The following EMP2 variants were observed in gnomAD, a reference collection of about 807,000 sequenced individuals.
The protein encoded by EMP2 is epithelial membrane protein 2.
A neutral mutation model predicts 13.7 loss-of-function variants in EMP2; 19 were observed. The observed-to-expected ratio is 1.38, with a 90% CI of 0.97 to 2.03. The LOEUF is 2.03. Among genes scored for constraint, EMP2 ranks in the 30% most tolerant of loss-of-function variants. The pLI is 0.00. For synonymous variants in EMP2, 97 were observed against 84.7 expected (o/e 1.15, Z -0.80); for missense variants, 253 against 220.7 (o/e 1.15, Z -0.93).
Position 10,531,152 on chromosome 16 carries a change from T to A in EMP2, c.*1753A>T, listed in dbSNP as rs1402785986. 1.3e-5 allele frequency: 2 copies of A among 151,964 alleles called. No individual in the cohort carries two copies. Among genetic ancestry groups the A allele is most frequent in the African/African-American group, 2.4e-5 (1 of 41,340 alleles). The allele number at this position is 151,964 out of a possible 1,614,324, so 9.4% of individuals were successfully genotyped here. A position where few individuals can be genotyped will look rare whatever the true frequency, so the allele number is the denominator to read the frequency against. ...ACACCGGGCTAATTTTGTTGTATTT[T>A]CGGTAGAGACGGGGTTTCACCATGT... On this transcript the variant is annotated 3_prime_UTR_variant, in exon 5 of 5. Transcript: ENST00000359543.
rs183440005 is a variant in EMP2 at position 10,541,707 on chromosome 16, G to A, written c.169+1863C>T. Among the ~76,000 whole-genome samples, 18 of 152,272 alleles carry A rather than the reference G, an allele frequency of 1.2e-4. 1 individual carries two copies. Among genetic ancestry groups the A allele is most frequent in the East Asian group, 9.7e-4 (5 of 5,172 alleles). Reference sequence around the variant, plus strand: ...AACAGACGAGATGGAAGGGAGCACCGATGGTGTTCCGTGGTTAAGGGTACT... The same window carrying A: ...AACAGACGAGATGGAAGGGAGCACCAATGGTGTTCCGTGGTTAAGGGTACT... On this transcript the variant is annotated intron_variant, in intron 3 of 4. Coordinates refer to ENST00000359543, the MANE Select transcript of EMP2 (RefSeq NM_001424.6).
rs28505620 is a variant in EMP2, at chr16:10,580,192, C to A, written c.-61+357G>T. Among the ~76,000 whole-genome samples, 6 of 152,154 alleles carry A rather than the reference C, an allele frequency of 3.9e-5. No homozygotes were observed. The highest frequency in any genetic ancestry group is 8.8e-5 in the Non-Finnish European group (6 of 68,014). ...GCGAGGCGAGTCTGGGGACGCTGCC[C>A]GGGAATCCCTCACGCGACCTGGGGA... On this transcript the variant is annotated intron_variant, in intron 1 of 4. Coordinates refer to ENST00000359543, the MANE Select transcript of EMP2 (RefSeq NM_001424.6). The surrounding 1 kb of genome is among the most constrained non-coding windows in gnomAD (Gnocchi z 4.3).
At chr16:10,538,917 G>A (rs1486489097) in intron 3 of EMP2, among the ~76,000 whole-genome samples, 2 of 152,142 alleles carry the variant, frequency 1.3e-5, no homozygotes, top group African/African-American at 2.4e-5. Flanking sequence ...TTGGGCCCAA[G>A]TGATCCTCCT....
At chr16:10,562,683 C>G (rs919053871) in intron 1 of EMP2, among the ~76,000 whole-genome samples, 5 of 152,172 alleles carry the variant, frequency 3.3e-5, no homozygotes, top group African/African-American at 9.7e-5. Flanking sequence ...TGTTACCCAG[C>G]AAGAGCTAAC....
chr16:10,552,919 G>C (rs2050798933), intron 1 of EMP2, among the ~76,000 whole-genome samples: 1 of 152,128 alleles, frequency 6.6e-6, no homozygotes, highest in Non-Finnish European at 1.5e-5. Context: ...AGTCAAGTAA[G>C]GTTTCTAGTA....
intron 1 of EMP2, among the ~76,000 whole-genome samples, chr16:10,561,486 G>T (rs560903384): frequency 2.8e-4 from 43 of 152,180 alleles, no homozygotes; most frequent in African/African-American, 1.0e-3. Context: ...CGGAGGAGTG[G>T]GCACAGAGGT....
intron 4 of EMP2, among the ~76,000 whole-genome samples, chr16:10,537,128 C>T (rs986338355): frequency 4.6e-5 from 7 of 152,174 alleles, no homozygotes; most frequent in African/African-American, 1.7e-4. Context: ...TCAAGCCACT[C>T]GTCAACTCCT....
chr16:10,547,765 G>A, intron 1 of EMP2, 88 bp from the exon 2 acceptor site: 1 of 745,252 alleles, frequency 1.3e-6, no homozygotes, highest in Non-Finnish European at 2.2e-6. Flanking sequence ...GCTGGGCGTG[G>A]TGGCTCATGC....
intron 1 of EMP2, among the ~76,000 whole-genome samples, chr16:10,549,749 A>ACACATACAC (rs59129626): frequency 6.6e-6 from 1 of 151,524 alleles, no homozygotes; most frequent in Non-Finnish European, 1.5e-5. Flanking sequence ...ACACACACAC[A>ACACATACAC]TACACTGTCT....
Position 10,575,237 on chromosome 16 carries a change from CTTTTTTTTTTTTTTTTTT to C in EMP2, c.-61+5294_-61+5311del, listed in dbSNP as rs761837614. ...TGGCCTTGGTCCTGGAGCTTGCATT[CTTTTTTTTTTTTTTTTTT>C]TTTTTTTTTTTTTTTTGAGACAGAG... On this transcript the variant is annotated intron_variant, in intron 1 of 4. Transcript: ENST00000359543. Among the ~76,000 whole-genome samples, 23 of 52,492 alleles carry C rather than the reference CTTTTTTTTTTTTTTTTTT, an allele frequency of 4.4e-4. 2 individuals are homozygous for C. In the South Asian group the frequency reaches 5.0e-3, roughly 11 times the overall value. The allele number at this position is 52,492 out of a possible 152,430, so 34.4% of individuals were successfully genotyped here.
intron 1 of EMP2, among the ~76,000 whole-genome samples, chr16:10,563,901 C>T (rs914719056): frequency 1.3e-5 from 2 of 152,214 alleles, no homozygotes; most frequent in African/African-American, 2.4e-5. Context: ...ACAGGGCAGG[C>T]GAGCCCCCAA....
chr16:10,534,430 G>A (rs528590883), intron 4 of EMP2, among the ~76,000 whole-genome samples: 18 of 152,120 alleles, frequency 1.2e-4, no homozygotes, highest in Non-Finnish European at 2.2e-4. Flanking sequence ...CAGTTAATTC[G>A]ATTTTCTCTC....
At chr16:10,549,883 CTTTTTTT>C (rs59259895) in intron 1 of EMP2, among the ~76,000 whole-genome samples, 2 of 112,272 alleles carry the variant, frequency 1.8e-5, no homozygotes, top group Non-Finnish European at 3.5e-5. Flanking sequence ...TTTTCTTTTT[CTTTTTTT>C]TTTTTTTTTT....
intron 2 of EMP2, chr16:10,544,896 C>T (rs918576342): frequency 8.5e-5 from 13 of 152,098 alleles, no homozygotes; most frequent in Non-Finnish European, 1.3e-4. Context: ...AACAAACAAA[C>T]AAACATTGCA....
intron 1 of EMP2, among the ~76,000 whole-genome samples, chr16:10,549,153 C>CTGGA (rs1390178513): frequency 6.6e-6 from 1 of 152,184 alleles, no homozygotes; most frequent in East Asian, 1.9e-4. Context: ...TAATAAACCT[C>CTGGA]TGGATGTTAA....
chr16:10,536,034 T>TGG lies in EMP2; in HGVS notation c.316+1892_316+1893dup, dbSNP rs375839508. ...GTCCCCGGAAGGACTGTGGTGGACTTGGGGGGTTCTCAAGATCAAGTGACC... is the reference window on the plus strand; with the variant it reads ...GTCCCCGGAAGGACTGTGGTGGACTTGGGGGGGGTTCTCAAGATCAAGTGACC... On this transcript the variant is annotated intron_variant, in intron 4 of 4. Transcript: ENST00000359543. Among the ~76,000 whole-genome samples the TGG allele has an allele frequency of 1.4e-3, 212 of 152,094 alleles. 1 individual carries two copies. Among genetic ancestry groups the TGG allele is most frequent in the Admixed American group, 3.6e-3 (55 of 15,272 alleles).
chr16:10,532,751 C>CTTTTTTGTTTTTTTTTTTT lies in EMP2; in HGVS notation c.*153_*154insAAAAAAAAAAAACAAAAAA, dbSNP rs375278523. 1 of 199,580 alleles carries CTTTTTTGTTTTTTTTTTTT rather than the reference C, an allele frequency of 5.0e-6. No individual in the cohort carries two copies. Among genetic ancestry groups the CTTTTTTGTTTTTTTTTTTT allele is most frequent in the Non-Finnish European group, 6.9e-6 (1 of 145,886 alleles). 12.4% of individuals were successfully genotyped at this position (199,580 alleles called of 1,614,324 possible). ...CTTCTCTCTTTTGGATTTTTTTTTT[C>CTTTTTTGTTTTTTTTTTTT]TTTTTTCTTTTTTTTTTTTTTTTTT... On this transcript the variant is annotated 3_prime_UTR_variant, in exon 5 of 5. Transcript: ENST00000359543.
Position 10,579,994 on chromosome 16 carries a change from T to A in EMP2, c.-61+555A>T, listed in dbSNP as rs142728332. On this transcript the variant is annotated intron_variant, in intron 1 of 4. Transcript: ENST00000359543. ...TAAAGCCCCCCAAGCCCTTCTAGAG[T>A]TGGCAGGGAGAGAGGTGTCATCCCA... is the stretch of plus-strand genomic sequence containing the variant. Among the ~76,000 whole-genome samples the A allele has an allele frequency of 2.0e-3, 298 of 152,156 alleles. 1 individual carries two copies. Among genetic ancestry groups the A allele is most frequent in the African/African-American group, 6.7e-3 (280 of 41,510 alleles).
chr16:10,570,945 G>C (rs141717619), intron 1 of EMP2, among the ~76,000 whole-genome samples: 187 of 152,088 alleles, frequency 1.2e-3, no homozygotes, highest in African/African-American at 4.5e-3. Context: ...GGTAGAAGCA[G>C]TGGTGAGAGA....
Sources: allele counts gnomAD v4.1 joint callset (sites outside exome capture counted in the v4.1 genomes callset), GRCh38; gene constraint gnomAD v4.1.1; non-coding constraint Gnocchi (gnomAD v3.1); transcripts MANE v1.5; gene names NCBI Gene and HGNC (gene_info 2026-07-23, HGNC 2026-07-21).